The following TMEM132A variants were observed in gnomAD, a reference collection of about 807,000 sequenced individuals.
TMEM132A encodes the protein GRP78-binding protein.
A neutral mutation model predicts 69.9 loss-of-function variants in TMEM132A; 48 were observed. The observed-to-expected ratio is 0.69, with a 90% CI of 0.55 to 0.87. TMEM132A has a LOEUF of 0.87. TMEM132A is among the 40% of genes least tolerant of loss of function. The pLI is 0.00. For missense variants in TMEM132A, 1,287 were observed against 1,407.2 expected (o/e 0.91, Z 1.37); for synonymous variants, 577 against 613.7 (o/e 0.94, Z 0.88).
In TMEM132A at chr11:60,934,748, G is replaced by T; in HGVS notation, c.1820G>T (p.Gly607Val). 6.2e-7 allele frequency: 1 copy of T among 1,603,820 alleles called. No individual in the cohort carries two copies. Among genetic ancestry groups the T allele is most frequent in the Non-Finnish European group, 8.5e-7 (1 of 1,175,444 alleles). The change falls in exon 9 of 11, where the codon GGT becomes GTT. Residue 607 changes from glycine (G) to valine (V), a missense_variant. Transcript: ENST00000453848. ...GGRVVVGREPGVTSIEVRSPL... is the reference protein window; with the variant it reads ...GGRVVVGREPVVTSIEVRSPL... ...CGTGTCGTGGTGGGCCGGGAGCCCGGTGTCACCTCCATTGAGGTAAGCAGC... is the reference window on the plus strand; with the variant it reads ...CGTGTCGTGGTGGGCCGGGAGCCCGTTGTCACCTCCATTGAGGTAAGCAGC...
intron 5 of TMEM132A, among the ~76,000 whole-genome samples, 184 bp downstream of exon 5, chr11:60,930,843 CTA>C (rs1298040585): frequency 6.6e-6 from 1 of 152,230 alleles, no homozygotes; most frequent in Non-Finnish European, 1.5e-5. Context: ...CATTCGGCCA[CTA>C]TCTTCCCAGC....
chr11:60,936,352 C>A lies in TMEM132A; in HGVS notation c.2517C>A (p.Ala839=). 1 of 1,614,114 alleles carries A rather than the reference C, an allele frequency of 6.2e-7. No individual in the cohort carries two copies. Among genetic ancestry groups the A allele is most frequent in the Non-Finnish European group, 8.5e-7 (1 of 1,179,998 alleles). Residue 839 remains alanine, a synonymous_variant, in exon 11 of 11, where the codon GCC becomes GCA. Transcript: ENST00000453848. Reference sequence around the variant, plus strand: ...AAGAGGAGGAGGAGATGGTCCCTGCCCCTCAGCATGTCACTGAGCTAGAGC... The same window carrying A: ...AAGAGGAGGAGGAGATGGTCCCTGCACCTCAGCATGTCACTGAGCTAGAGC... The part of the protein sequence containing the change: ...EEEEEEEMVP[A]PQHVTELELG...
intron 1 of TMEM132A, chr11:60,925,561 G>C (rs921847877): frequency 2.0e-5 from 3 of 152,350 alleles, no homozygotes; most frequent in Non-Finnish European, 2.9e-5. Flanking sequence ...TTACGCTTGG[G>C]GCAGGGGGCA....
chr11:60,931,167 C>T (rs1325505926), intron 5 of TMEM132A, among the ~76,000 whole-genome samples: 1 of 152,226 alleles, frequency 6.6e-6, no homozygotes, highest in Non-Finnish European at 1.5e-5. Flanking sequence ...CCTACCCAAG[C>T]CTCAGTTTCT....
At position 60,927,990 on chromosome 11, in the gene TMEM132A, C is replaced by T. The variant is rs1000589341; in HGVS notation, c.534+131C>T. ...GTGGACCACCCGACTCCATTTCTGC[C>T]CCCACTAGCTTTCAGTGCTGTGAAA... On this transcript the variant is annotated intron_variant, in intron 3 of 10. Coordinates refer to ENST00000453848, the MANE Select transcript of TMEM132A (RefSeq NM_178031.3). The T allele has an allele frequency of 1.2e-5, 9 of 722,696 alleles. No individual in the cohort carries two copies. The African/African-American group carries it at 1.6e-4, about 13-fold the overall frequency. 44.8% of individuals were successfully genotyped at this position (722,696 alleles called of 1,614,324 possible).
chr11:60,936,224 G>A lies in TMEM132A; in HGVS notation c.2389G>A (p.Val797Met). 6.2e-7 allele frequency: 1 copy of A among 1,614,148 alleles called. No individual in the cohort carries two copies. The highest frequency in any genetic ancestry group is 8.5e-7 in the Non-Finnish European group (1 of 1,179,988). ...AGCCACCATGGGTGGTAAACGGCAG[G>A]TGGCAGGCAGTGTCGGGGGCAACAC... ...TEATMGGKRQVAGSVGGNTGV... is the reference protein window; with the variant it reads ...TEATMGGKRQMAGSVGGNTGV... Residue 797 changes from valine to methionine, a missense_variant, in exon 11 of 11, where the codon GTG becomes ATG. Val to Met is a conservative substitution (Grantham distance 21). Coordinates refer to ENST00000453848, the MANE Select transcript of TMEM132A (RefSeq NM_178031.3).
At position 60,936,525 on chromosome 11, in the gene TMEM132A, G is replaced by T. The variant is rs1223196739; in HGVS notation, c.2690G>T (p.Trp897Leu). 1.9e-6 allele frequency: 3 copies of T among 1,613,692 alleles called. No individual in the cohort carries two copies. Among genetic ancestry groups the T allele is most frequent in the Non-Finnish European group, 2.5e-6 (3 of 1,179,988 alleles). The change falls in exon 11 of 11, where the codon TGG becomes TTG. Residue 897 changes from tryptophan to leucine, a missense_variant. Coordinates refer to ENST00000453848, the MANE Select transcript of TMEM132A (RefSeq NM_178031.3). ...PTSPQPHNWV[W>L]LGTDQEELSR... ...TCCCCCCAGCCCCACAACTGGGTCT[G>T]GCTGGGCACTGACCAGGAGGAACTG... is the stretch of plus-strand genomic sequence containing the variant.
At position 60,936,619 on chromosome 11, in the gene TMEM132A, G is replaced by A; in HGVS notation, c.2784G>A (p.Gly928=). 6.4e-7 allele frequency: 1 copy of A among 1,572,480 alleles called. No individual in the cohort carries two copies. Among genetic ancestry groups the A allele is most frequent in the South Asian group, 1.2e-5 (1 of 84,900 alleles). Residue 928 remains glycine, a synonymous_variant, in exon 11 of 11, where the codon GGG becomes GGA. Transcript: ENST00000453848. ...KGEGSCPCES[G]GGGEAPTLAP... The stretch of plus-strand genomic sequence containing the variant: ...AGGGGAGCTGCCCCTGTGAGAGTGG[G>A]GGAGGAGGGGAGGCCCCTACCCTGG...
Position 60,931,548 on chromosome 11 carries a change from T to G in TMEM132A, c.1017-141T>G, listed in dbSNP as rs542750254. 3.7e-6 allele frequency: 3 copies of G among 812,782 alleles called. No homozygotes were observed. In the South Asian group the frequency reaches 5.3e-5, roughly 14 times the overall value. The allele number at this position is 812,782 out of a possible 1,614,324, so 50.3% of individuals were successfully genotyped here. A position where few individuals can be genotyped will look rare whatever the true frequency, so the allele number is the denominator to read the frequency against. On this transcript the variant is annotated intron_variant, in intron 5 of 10. Coordinates refer to ENST00000453848, the MANE Select transcript of TMEM132A (RefSeq NM_178031.3). ...ATCCCAGCCCCGCTACTTTTTGCTG[T>G]GTGGTCTTAAGTGAGCTATGTAACC...
chr11:60,924,493 C>T lies in TMEM132A; in HGVS notation c.-141C>T. On this transcript the variant is annotated 5_prime_UTR_variant, in exon 1 of 11. Transcript: ENST00000453848. ...CGCTCCATTGTCTGGGAATTGCAGC[C>T]GCGGGGCGGGCGGCGGCGGCGGCGG... The T allele has an allele frequency of 4.3e-6, 2 of 464,000 alleles. No individual in the cohort carries two copies. Among genetic ancestry groups the T allele is most frequent in the Non-Finnish European group, 6.9e-6 (2 of 291,754 alleles). 28.7% of individuals were successfully genotyped at this position (464,000 alleles called of 1,614,324 possible).
At chr11:60,926,954 A>G in intron 1 of TMEM132A, 1 of 575,878 alleles carries the variant, frequency 1.7e-6, no homozygotes, top group South Asian at 2.0e-5. Context: ...GTCTGTGGAA[A>G]GTAGAAGGAA....
chr11:60,927,460 A>C, intron 2 of TMEM132A, 42 bp downstream of exon 2: 1 of 1,555,438 alleles, frequency 6.4e-7, no homozygotes, highest in Non-Finnish European at 8.8e-7. Flanking sequence ...AACAGGACTC[A>C]GGGCCTGAGG....
In TMEM132A at chr11:60,924,639, C is replaced by T; in HGVS notation, c.6C>T (p.Cys2=). The T allele has an allele frequency of 6.3e-7, 1 of 1,592,542 alleles. No individual in the cohort carries two copies. Among genetic ancestry groups the T allele is most frequent in the Non-Finnish European group, 8.5e-7 (1 of 1,175,526 alleles). M[C]ARMAGRTTAA... Reference sequence around the variant, plus strand: ...CCCCGCCTTCTGTGGGAAGGATGTGCGCGCGGATGGCCGGTCGCACAACAG... The same window carrying T: ...CCCCGCCTTCTGTGGGAAGGATGTGTGCGCGGATGGCCGGTCGCACAACAG... Residue 2 remains cysteine, a synonymous_variant, in exon 1 of 11, where the codon TGC becomes TGT. Transcript: ENST00000453848.
At position 60,936,305 on chromosome 11, in the gene TMEM132A, G is replaced by A. The variant is rs55920775; in HGVS notation, c.2470G>A (p.Glu824Lys). The A allele has an allele frequency of 0.25, 398,535 of 1,613,940 alleles. 56,436 individuals carry two copies. Among genetic ancestry groups the A allele is most frequent in the East Asian group, 0.65 (29,366 of 44,854 alleles). ...GGAGGAGGCCAGGAAGGAGGAGACC[G>A]AAGCCAGGGAGGAGGAGGAGGAAGA... is the stretch of plus-strand genomic sequence containing the variant. ...AEEEARKEET[E>K]AREEEEEEEE... The change falls in exon 11 of 11, where the codon GAA becomes AAA. Residue 824 changes from glutamate (E) to lysine (K), a missense_variant. Transcript: ENST00000453848.
rs372929895 is a variant in TMEM132A, at chr11:60,928,616, C to T, written c.535-13C>T. On this transcript the variant is annotated splice_polypyrimidine_tract_variant and intron_variant, in intron 3 of 10. Coordinates refer to ENST00000453848, the MANE Select transcript of TMEM132A (RefSeq NM_178031.3). The stretch of plus-strand genomic sequence containing the variant: ...CCACCCCCATGCCAATTACTGCTGT[C>T]GTGTCTTCACAGCCATCCCTGGGCG... The T allele has an allele frequency of 1.2e-6, 2 of 1,604,450 alleles. No individual in the cohort carries two copies. Among genetic ancestry groups the T allele is most frequent in the East Asian group, 2.2e-5 (1 of 44,888 alleles).
rs1292965483 is a variant in TMEM132A at position 60,936,914 on chromosome 11, A to G, written c.*7A>G. 6 of 1,521,250 alleles carry G rather than the reference A, an allele frequency of 3.9e-6. No individual in the cohort carries two copies. In the African/African-American group the frequency reaches 7.0e-5, roughly 18 times the overall value. The allele number at this position is 1,521,250 out of a possible 1,614,324, so 94.2% of individuals were successfully genotyped here. On this transcript the variant is annotated 3_prime_UTR_variant, in exon 11 of 11. Coordinates refer to ENST00000453848, the MANE Select transcript of TMEM132A (RefSeq NM_178031.3). Reference sequence around the variant, plus strand: ...GATCCGGGGCAGCTCCTGACCCTCCACAGCCACCTGGTCAGCCACCAGCTG... The same window carrying G: ...GATCCGGGGCAGCTCCTGACCCTCCGCAGCCACCTGGTCAGCCACCAGCTG...
In TMEM132A at chr11:60,924,496, G is replaced by T. The variant is rs545575223; in HGVS notation, c.-138G>T. The stretch of plus-strand genomic sequence containing the variant: ...TCCATTGTCTGGGAATTGCAGCCGC[G>T]GGGCGGGCGGCGGCGGCGGCGGCGG... On this transcript the variant is annotated 5_prime_UTR_variant, in exon 1 of 11. Transcript: ENST00000453848. The T allele has an allele frequency of 2.5e-5, 12 of 473,374 alleles. No individual in the cohort carries two copies. The highest frequency in any genetic ancestry group is 6.3e-5 in the South Asian group (1 of 15,972). 29.3% of individuals were successfully genotyped at this position (473,374 alleles called of 1,614,324 possible).
rs1156832924 is a variant in TMEM132A, at chr11:60,932,070, C to T, written c.1299C>T (p.Ala433=). Residue 433 remains alanine, a synonymous_variant, in exon 7 of 11, where the codon GCC becomes GCT. Coordinates refer to ENST00000453848, the MANE Select transcript of TMEM132A (RefSeq NM_178031.3). The part of the protein sequence containing the change: ...VRLVTVDGGG[A]LVEVTEHVGC... ...TTGTCACTGTGGACGGCGGGGGGGCCTTGGTGGAGGTGACAGAGCATGTCG... is the reference window on the plus strand; with the variant it reads ...TTGTCACTGTGGACGGCGGGGGGGCTTTGGTGGAGGTGACAGAGCATGTCG... 1 of 1,584,508 alleles carries T rather than the reference C, an allele frequency of 6.3e-7. No individual in the cohort carries two copies. The highest frequency in any genetic ancestry group is 8.6e-7 in the Non-Finnish European group (1 of 1,167,170).
At position 60,935,918 on chromosome 11, in the gene TMEM132A, G is replaced by A. The variant is rs747242321; in HGVS notation, c.2083G>A (p.Glu695Lys). 5 of 1,611,940 alleles carry A rather than the reference G, an allele frequency of 3.1e-6. No individual in the cohort carries two copies. In the East Asian group the frequency reaches 1.1e-4, roughly 36 times the overall value. Residue 695 changes from glutamate to lysine, a missense_variant, in exon 11 of 11, where the codon GAG becomes AAG. Physicochemically the swap from Glu to Lys is moderately conservative, Grantham distance 56. Transcript: ENST00000453848. The surrounding 1 kb of genome is among the most constrained non-coding windows in gnomAD (Gnocchi z 5.0). ...SFSDHTVAPA[E>K]LYDRRDLGLS... ...CTCTGATCACACTGTGGCCCCAGCT[G>A]AGCTCTACGACCGCCGTGACCTGGG... is the stretch of plus-strand genomic sequence containing the variant.
Sources: allele counts gnomAD v4.1 joint callset (sites outside exome capture counted in the v4.1 genomes callset), GRCh38; gene constraint gnomAD v4.1.1; non-coding constraint Gnocchi (gnomAD v3.1); transcripts MANE v1.5; gene names NCBI Gene and HGNC (gene_info 2026-07-23, HGNC 2026-07-21).